SAR1A: variants seen among roughly 807,000 people sequenced by gnomAD.
SAR1A encodes the protein small COPII coat GTPase SAR1A.
SAR1A carries 6 observed loss-of-function variants against 22.6 expected under a neutral mutation model. The ratio of observed to expected loss-of-function variants is 0.27; its 90% CI spans 0.15 to 0.52. SAR1A has a LOEUF of 0.52. SAR1A is among the 20% of genes least tolerant of loss of function. The pLI is 0.96. For missense variants in SAR1A, 145 were observed against 245.1 expected, an observed-to-expected ratio of 0.59 and a Z score of 2.73; for synonymous variants, 70 against 82.2, an observed-to-expected ratio of 0.85 and a Z score of 0.80.
intron 4 of SAR1A, among the ~76,000 whole-genome samples, chr10:70,158,651 G>C (rs558786201): frequency 6.6e-6 from 1 of 151,540 alleles, no homozygotes; most frequent in Non-Finnish European, 1.5e-5. Context: ...AGTGGAGCTA[G>C]GAAAAAGAGG....
chr10:70,169,581 A>T (rs1839598293), intron 1 of SAR1A, among the ~76,000 whole-genome samples: 1 of 152,240 alleles, frequency 6.6e-6, no homozygotes, highest in African/African-American at 2.4e-5. Context: ...TAGCCAATTT[A>T]AAAATTTACG....
chr10:70,154,903 G>A (rs1839368378), intron 5 of SAR1A, among the ~76,000 whole-genome samples: 1 of 152,206 alleles, frequency 6.6e-6, no homozygotes, highest in South Asian at 2.1e-4. Flanking sequence ...GAAAAGATCT[G>A]GAACCTAAAC....
chr10:70,163,658 G>A (rs1267506350), intron 1 of SAR1A: 10 of 747,166 alleles, frequency 1.3e-5, no homozygotes, highest in Non-Finnish European at 2.5e-5. Flanking sequence ...GTGTGGTTGC[G>A]TCTCGGAAAC....
chr10:70,156,271 C>T (rs772549081), intron 5 of SAR1A, among the ~76,000 whole-genome samples: 2 of 152,178 alleles, frequency 1.3e-5, no homozygotes, highest in South Asian at 4.1e-4. Context: ...AGAACACCAA[C>T]ATTTAAGGAC....
Position 70,153,969 on chromosome 10 carries a change from C to A in SAR1A, c.349G>T (p.Ala117Ser). Residue 117 changes from alanine to serine, a missense_variant and splice_region_variant, in exon 6 of 7, where the codon GCT becomes TCT. Ala to Ser is a moderately conservative substitution (Grantham distance 99, BLOSUM62 1). Transcript: ENST00000373241. ...RLVESKVELN[A>S]LMTDETISNV... ...GATATTGTTTCATCAGTCATTAAAG[C>A]CTAAAGATTGAAAAAAAAGAAAAAA... 5.8e-6 allele frequency: 9 copies of A among 1,549,364 alleles called. No individual in the cohort carries two copies. Among genetic ancestry groups the A allele is most frequent in the South Asian group, 2.5e-5 (2 of 80,772 alleles).
chr10:70,150,767 T>C lies in SAR1A; in HGVS notation c.*1709A>G, dbSNP rs569736135. On this transcript the variant is annotated 3_prime_UTR_variant, in exon 7 of 7. Transcript: ENST00000373241. ...GTCTTAATCCAGCTATGTTTGCTAA[T>C]AAACGAAATGCATGCACTTCCCACA... 1 of 152,466 alleles carries C rather than the reference T, an allele frequency of 6.6e-6. No homozygotes were observed. Among genetic ancestry groups the C allele is most frequent in the South Asian group, 2.1e-4 (1 of 4,834 alleles). The allele number at this position is 152,466 out of a possible 1,614,324, so 9.4% of individuals were successfully genotyped here. A position where few individuals can be genotyped will look rare whatever the true frequency, so the allele number is the denominator to read the frequency against.
At chr10:70,158,830 T>C (rs1055704455) in intron 4 of SAR1A, among the ~76,000 whole-genome samples, 5 of 151,990 alleles carry the variant, frequency 3.3e-5, no homozygotes, top group Non-Finnish European at 5.9e-5. Context: ...TAGGTTATTA[T>C]GTAAAAGTGT....
intron 1 of SAR1A, 95 bp from the exon 2 acceptor site, chr10:70,162,026 T>C: frequency 1.1e-6 from 1 of 873,412 alleles, no homozygotes. Context: ...GATGCACATT[T>C]ATAGTCTCTT....
intron 1 of SAR1A, among the ~76,000 whole-genome samples, chr10:70,168,028 T>G (rs551539186): frequency 2.6e-5 from 4 of 152,252 alleles, no homozygotes; most frequent in African/African-American, 9.6e-5. Flanking sequence ...AAACCAAACA[T>G]CCTCCTATAC....
intron 4 of SAR1A, 135 bp downstream of exon 4, chr10:70,160,869 C>T (rs1839459610): frequency 4.9e-6 from 3 of 610,400 alleles, no homozygotes; most frequent in Non-Finnish European, 8.6e-6. Flanking sequence ...AAAACAACTT[C>T]ACTAAAGTAA....
intron 1 of SAR1A, among the ~76,000 whole-genome samples, chr10:70,168,933 C>T (rs1429309060): frequency 6.6e-6 from 1 of 152,074 alleles, no homozygotes; most frequent in African/African-American, 2.4e-5. Flanking sequence ...TCAAGAGATC[C>T]TCCCACCTCA....
chr10:70,170,083 T>C (rs896522785), intron 1 of SAR1A, among the ~76,000 whole-genome samples: 1 of 151,944 alleles, frequency 6.6e-6, no homozygotes, highest in Non-Finnish European at 1.5e-5. Context: ...CCGAGGGCTG[T>C]GAGGCTCTTC....
chr10:70,167,231 G>A (rs1330065721), intron 1 of SAR1A, among the ~76,000 whole-genome samples: 1 of 152,088 alleles, frequency 6.6e-6, no homozygotes, highest in Non-Finnish European at 1.5e-5. Flanking sequence ...TCTCAGCATT[G>A]TCTGGCCATG....
At chr10:70,161,528 A>C (rs1839467462) in intron 3 of SAR1A, 91 bp downstream of exon 3, 2 of 1,488,114 alleles carry the variant, frequency 1.3e-6, no homozygotes, top group Non-Finnish European at 1.8e-6. Flanking sequence ...GACTTCAGTT[A>C]ATAAAAGAAC....
intron 1 of SAR1A, among the ~76,000 whole-genome samples, chr10:70,164,838 C>G (rs1286434646): frequency 6.6e-6 from 1 of 152,140 alleles, no homozygotes; most frequent in African/African-American, 2.4e-5. Context: ...ACCTATTGCT[C>G]AGAAAAAAAG....
At chr10:70,154,010 A>C (rs1839357589) in intron 5 of SAR1A, 41 bp from the exon 6 acceptor site, 3 of 1,481,704 alleles carry the variant, frequency 2.0e-6, no homozygotes, top group Non-Finnish European at 2.7e-6. Context: ...AAAAAGAATT[A>C]AGTGAGGAAT....
chr10:70,152,479 G>A lies in SAR1A; in HGVS notation c.594C>T (p.Asp198=). The A allele has an allele frequency of 6.2e-7, 1 of 1,605,970 alleles. No individual in the cohort carries two copies. The highest frequency in any genetic ancestry group is 8.5e-7 in the Non-Finnish European group (1 of 1,172,496). ...TTTTATTTTCACCGTCCAAACATCA[G>A]TCAATATACTGGGAGAGCCAGCGGA... ...EGFRWLSQYI[D] is the part of the protein sequence containing the mutation. The change falls in exon 7 of 7, where the codon GAC becomes GAT. Residue 198 remains aspartate, a synonymous_variant. Coordinates refer to ENST00000373241, the MANE Select transcript of SAR1A (RefSeq NM_020150.5).
chr10:70,154,131 T>A (rs1414729843), intron 5 of SAR1A, among the ~76,000 whole-genome samples, 162 bp from the exon 6 acceptor site: 1 of 152,254 alleles, frequency 6.6e-6, no homozygotes, highest in Non-Finnish European at 1.5e-5. Context: ...AAGATTCACC[T>A]TGACATTACA....
intron 4 of SAR1A, among the ~76,000 whole-genome samples, 155 bp downstream of exon 4, chr10:70,160,849 A>G (rs914245853): frequency 2.0e-5 from 3 of 152,250 alleles, no homozygotes; most frequent in Non-Finnish European, 2.9e-5. Flanking sequence ...ACTTAAAAAA[A>G]TAAATGAATA....
Sources: allele counts gnomAD v4.1 joint callset (sites outside exome capture counted in the v4.1 genomes callset), GRCh38; gene constraint gnomAD v4.1.1; transcripts MANE v1.5; gene names NCBI Gene and HGNC (gene_info 2026-07-23, HGNC 2026-07-21).